NAV2: variants seen among roughly 807,000 people sequenced by gnomAD.
NAV2 encodes the protein neuron navigator 2.
A neutral mutation model predicts 223.2 loss-of-function variants in NAV2; 54 were observed. The ratio of observed to expected loss-of-function variants is 0.24; its 90% CI spans 0.19 to 0.30. The LOEUF is 0.30. NAV2 is among the 10% of genes least tolerant of loss of function. NAV2 has a pLI of 1.00. For synonymous variants in NAV2, 1,279 were observed against 1,239.3 expected (o/e 1.03, Z -0.67); for missense variants, 2,806 against 3,147.5 (o/e 0.89, Z 2.60).
intron 3 of NAV2, among the ~76,000 whole-genome samples, chr11:19,852,345 G>C (rs1328439484): frequency 1.3e-5 from 2 of 152,190 alleles, no homozygotes; most frequent in Non-Finnish European, 2.9e-5. Flanking sequence ...TTACTGGAAG[G>C]TGCCTCTATT....
intron 1 of NAV2, among the ~76,000 whole-genome samples, chr11:19,790,900 GT>G (rs572549834): frequency 0.011 from 1,522 of 141,250 alleles, 9 homozygotes; most frequent in East Asian, 0.033. Flanking sequence ...AATATTGCTT[GT>G]TTTTTTTTTT....
intron 1 of NAV2, among the ~76,000 whole-genome samples, chr11:19,678,410 C>T (rs2048782168): frequency 6.6e-6 from 1 of 152,184 alleles, no homozygotes; most frequent in Non-Finnish European, 1.5e-5. Flanking sequence ...TGCCTGTCAT[C>T]TCGCTGCAGG....
intron 1 of NAV2, among the ~76,000 whole-genome samples, chr11:19,741,793 C>T (rs2052854224): frequency 1.3e-5 from 2 of 149,424 alleles, no homozygotes; most frequent in Admixed American, 1.3e-4. Flanking sequence ...TTAGCAATTG[C>T]AAATAATGCT....
At chr11:19,480,426 G>A (rs948538994) in intron 1 of NAV2, among the ~76,000 whole-genome samples, 1 of 152,170 alleles carries the variant, frequency 6.6e-6, no homozygotes, top group African/African-American at 2.4e-5. Context: ...AGCTTCTCAA[G>A]GTGGTGCTGG....
Position 19,619,604 on chromosome 11 carries a change from G to A in NAV2, c.76-212880G>A, listed in dbSNP as rs145441714. Among the ~76,000 whole-genome samples, 1,378 of 152,258 alleles carry A rather than the reference G, an allele frequency of 9.1e-3. 11 individuals carry two copies. The highest frequency in any genetic ancestry group is 0.014 in the Middle Eastern group (4 of 294). The stretch of plus-strand genomic sequence containing the variant: ...TATCCTTCGCCCACTTTTTGATGGG[G>A]TTGTTTGAATTTTTCTTATAAATCT... On this transcript the variant is annotated intron_variant, in intron 1 of 37. Coordinates refer to the NAV2 transcript ENST00000360655.
intron 5 of NAV2, among the ~76,000 whole-genome samples, chr11:19,891,938 A>G (rs961415513): frequency 7.4e-5 from 11 of 149,520 alleles, no homozygotes; most frequent in East Asian, 2.0e-4. Context: ...TCCCAGAGGG[A>G]AAAAAAAAAT....
At chr11:19,501,941 A>G (rs2042976078) in intron 1 of NAV2, among the ~76,000 whole-genome samples, 1 of 152,164 alleles carries the variant, frequency 6.6e-6, no homozygotes, top group South Asian at 2.1e-4. Flanking sequence ...GATATAAAGC[A>G]GTTATATCCT....
intron 1 of NAV2, among the ~76,000 whole-genome samples, chr11:19,705,734 G>A (rs2049643543): frequency 1.3e-5 from 2 of 152,056 alleles, no homozygotes; most frequent in Admixed American, 6.6e-5. Flanking sequence ...GTCACTCCAA[G>A]TATTTGGTAG....
intron 1 of NAV2, among the ~76,000 whole-genome samples, chr11:19,721,444 G>A (rs909807455): frequency 1.3e-5 from 2 of 152,178 alleles, no homozygotes; most frequent in Non-Finnish European, 2.9e-5. Context: ...GACAGAGGAA[G>A]GAGAAAATGA....
intron 1 of NAV2, among the ~76,000 whole-genome samples, chr11:19,365,087 A>G (rs986455507): frequency 6.6e-6 from 1 of 152,212 alleles, no homozygotes; most frequent in East Asian, 1.9e-4. Context: ...TTAGAGCCCA[A>G]GTTTCACAGA....
intron 1 of NAV2, among the ~76,000 whole-genome samples, chr11:19,794,437 T>C (rs2057760087): frequency 6.6e-6 from 1 of 152,230 alleles, no homozygotes; most frequent in Admixed American, 6.5e-5. Flanking sequence ...ACCCAACTCA[T>C]ATCTTACAAA....
At chr11:19,582,565 G>A (rs1298705852) in intron 1 of NAV2, among the ~76,000 whole-genome samples, 1 of 152,182 alleles carries the variant, frequency 6.6e-6, no homozygotes, top group Non-Finnish European at 1.5e-5. Flanking sequence ...AAGGGATCCA[G>A]TTTCAGCTTT....
upstream of NAV2, among the ~76,000 whole-genome samples, chr11:19,350,034 C>A (rs1853219282): frequency 6.6e-6 from 1 of 152,036 alleles, no homozygotes; most frequent in Non-Finnish European, 1.5e-5. Context: ...ATGCTTTGTG[C>A]TTCACAGACC....
At chr11:19,619,451 T>G (rs961778890) in intron 1 of NAV2, among the ~76,000 whole-genome samples, 11 of 152,160 alleles carry the variant, frequency 7.2e-5, no homozygotes, top group Non-Finnish European at 5.9e-5. Flanking sequence ...TGATCACCAT[T>G]CTAACTGGTG....
chr11:19,452,923 G>T (rs1851838267), intron 1 of NAV2, among the ~76,000 whole-genome samples: 1 of 152,136 alleles, frequency 6.6e-6, no homozygotes, highest in Non-Finnish European at 1.5e-5. Flanking sequence ...ATATGTAAAA[G>T]CTTTTTACAT....
intron 1 of NAV2, among the ~76,000 whole-genome samples, chr11:19,468,880 T>C (rs1000484219): frequency 6.6e-6 from 1 of 152,160 alleles, no homozygotes; most frequent in Non-Finnish European, 1.5e-5. Context: ...ACATGAAATA[T>C]AGATCAAATA....
intron 1 of NAV2, among the ~76,000 whole-genome samples, chr11:19,448,306 GTGGGGT>G (rs1186097366): frequency 1.3e-5 from 2 of 152,204 alleles, no homozygotes; most frequent in Non-Finnish European, 2.9e-5. Context: ...AACCCTCCCC[GTGGGGT>G]TGGTACCAAT....
At chr11:19,729,801 C>T (rs1274252649) in intron 1 of NAV2, among the ~76,000 whole-genome samples, 1 of 152,150 alleles carries the variant, frequency 6.6e-6, no homozygotes, top group Non-Finnish European at 1.5e-5. Context: ...TGAACCAAGA[C>T]ATCCCTGTAA....
intron 1 of NAV2, among the ~76,000 whole-genome samples, chr11:19,791,361 C>T (rs2057505488): frequency 1.3e-5 from 2 of 152,316 alleles, no homozygotes; most frequent in South Asian, 4.1e-4. Context: ...CCTTGTACTG[C>T]ACCCACCAAT....
Sources: allele counts gnomAD v4.1 joint callset (sites outside exome capture counted in the v4.1 genomes callset), GRCh38; gene constraint gnomAD v4.1.1; transcripts MANE v1.5; gene names NCBI Gene and HGNC (gene_info 2026-07-23, HGNC 2026-07-21).